COL4A4: variants seen among roughly 807,000 people sequenced by gnomAD.
COL4A4 encodes collagen type IV alpha 4 chain, also known as collagen alpha-4(IV) chain.
In COL4A4, 105 loss-of-function variants were observed where a neutral mutation model predicts 192.9. The ratio of observed to expected loss-of-function variants is 0.54; its 90% CI spans 0.46 to 0.64. The LOEUF (loss-of-function observed/expected upper bound fraction) is 0.64. Ranked by LOEUF, COL4A4 falls within the 30% of genes least tolerant of loss-of-function variation. COL4A4 has a pLI of 0.00. For synonymous variants in COL4A4, 762 were observed against 769.9 expected (o/e 0.99, Z 0.17); for missense variants, 1,967 against 2,169.3 (o/e 0.91, Z 1.85).
At chr2:227,132,750 T>C (rs967099712) in intron 4 of COL4A4, among the ~76,000 whole-genome samples, 4 of 152,026 alleles carry the variant, frequency 2.6e-5, no homozygotes, top group African/African-American at 9.7e-5. Context: ...CACTCCAGCC[T>C]GGCAACAGAG....
intron 17 of COL4A4, among the ~76,000 whole-genome samples, chr2:227,099,916 A>C (rs1456085999): frequency 6.6e-6 from 1 of 152,222 alleles, no homozygotes; most frequent in African/African-American, 2.4e-5. Context: ...GCTTCTACAA[A>C]GGAAAAGAAA....
intron 19 of COL4A4, among the ~76,000 whole-genome samples, chr2:227,094,541 G>A (rs2060107070): frequency 6.6e-6 from 1 of 152,172 alleles, no homozygotes; most frequent in Non-Finnish European, 1.5e-5. Flanking sequence ...CCCAGGGGCT[G>A]GGGGAAGAGA....
chr2:227,094,375 T>C, intron 19 of COL4A4, 86 bp from the exon 20 acceptor site: 1 of 1,401,618 alleles, frequency 7.1e-7, no homozygotes, highest in South Asian at 1.3e-5. Flanking sequence ...ACACACTTGC[T>C]TAGGTTATCG....
At chr2:226,980,948 A>G in the COL4A4 span, among the ~76,000 whole-genome samples, 9 of 152,330 alleles carry the variant, frequency 5.9e-5, no homozygotes, top group African/African-American at 2.2e-4. Flanking sequence ...CGTAGCAGAG[A>G]CCATTTTAAA....
intron 38 of COL4A4, 102 bp from the exon 39 acceptor site, chr2:227,032,378 G>C (rs998285656): frequency 2.9e-6 from 4 of 1,358,502 alleles, no homozygotes; most frequent in East Asian, 2.5e-5. Flanking sequence ...AGGAGTGGCT[G>C]GTTCTGCAGA....
rs889591823 is a variant in COL4A4, at chr2:227,006,645, C to G, written c.*680G>C. 3.9e-5 allele frequency: 6 copies of G among 152,276 alleles called. No individual in the cohort carries two copies. The highest frequency in any genetic ancestry group is 5.9e-5 in the Non-Finnish European group (4 of 68,204). 9.4% of individuals were successfully genotyped at this position (152,276 alleles called of 1,614,324 possible). A position where few individuals can be genotyped will look rare whatever the true frequency, so the allele number is the denominator to read the frequency against. ...AGAAGAGAACATAATGTTTTATATT[C>G]ATCTGTGATGTGTTTATGCTAATGT... On this transcript the variant is annotated 3_prime_UTR_variant, in exon 48 of 48. Transcript: ENST00000396625.
At position 227,057,738 on chromosome 2, in the gene COL4A4, G is replaced by A. The variant is rs2141829; in HGVS notation, c.2384-138C>T. On this transcript the variant is annotated intron_variant, in intron 28 of 47. Transcript: ENST00000396625. ...GTGTTCAAATGGGTTAAGTCTTTGA[G>A]TGGATTTTCTTATCATAGATGTAAT... is the stretch of plus-strand genomic sequence containing the variant. 0.62 allele frequency: 552,591 copies of A among 891,814 alleles called. 174,859 individuals are homozygous for A. Among genetic ancestry groups the A allele is most frequent in the African/African-American group, 0.82 (49,563 of 60,598 alleles). 55.2% of individuals were successfully genotyped at this position (891,814 alleles called of 1,614,324 possible).
rs1018943185 is a variant in COL4A4, at chr2:227,140,312, C to T, written c.115-74G>A. The T allele has an allele frequency of 3.2e-6, 4 of 1,255,716 alleles. No individual in the cohort carries two copies. In the African/African-American group the frequency reaches 5.9e-5, roughly 18 times the overall value. The allele number at this position is 1,255,716 out of a possible 1,614,324, so 77.8% of individuals were successfully genotyped here. ...TACGTGCATAACACATACATTATAACAAGCACTCTTGGTTTACCTTTGACT... is the reference window on the plus strand; with the variant it reads ...TACGTGCATAACACATACATTATAATAAGCACTCTTGGTTTACCTTTGACT... On this transcript the variant is annotated intron_variant, in intron 3 of 47. Coordinates refer to ENST00000396625, the MANE Select transcript of COL4A4 (RefSeq NM_000092.5).
chr2:227,024,901 T>G (rs1966718023), intron 43 of COL4A4, among the ~76,000 whole-genome samples: 1 of 152,178 alleles, frequency 6.6e-6, no homozygotes, highest in Admixed American at 6.5e-5. Context: ...GAGCATGTGT[T>G]TGGTGCTTCC....
intron 9 of COL4A4, among the ~76,000 whole-genome samples, chr2:227,110,680 CTTTTTT>C (rs34785989): frequency 1.1e-5 from 1 of 94,286 alleles, no homozygotes; most frequent in African/African-American, 4.3e-5. Context: ...CTCACCCAGT[CTTTTTT>C]TTTTTTTTTT....
intron 24 of COL4A4, among the ~76,000 whole-genome samples, chr2:227,079,663 GAC>G (rs919713174): frequency 7.2e-5 from 11 of 152,178 alleles, no homozygotes; most frequent in African/African-American, 2.7e-4. Flanking sequence ...AAATAAGACA[GAC>G]AAGTTTTCAC....
intron 28 of COL4A4, among the ~76,000 whole-genome samples, chr2:227,059,195 C>T (rs1010887599): frequency 6.6e-6 from 1 of 152,190 alleles, no homozygotes; most frequent in Non-Finnish European, 1.5e-5. Flanking sequence ...AGTGAGCTGC[C>T]CTGCATTTGA....
chr2:227,138,088 G>C (rs1169591080), intron 4 of COL4A4, among the ~76,000 whole-genome samples: 1 of 151,650 alleles, frequency 6.6e-6, no homozygotes, highest in Non-Finnish European at 1.5e-5. Context: ...TTGAAGCCAG[G>C]AGTTTGAGAA....
chr2:226,989,868 C>T, the COL4A4 span, among the ~76,000 whole-genome samples: 1 of 152,172 alleles, frequency 6.6e-6, no homozygotes, highest in African/African-American at 2.4e-5. Flanking sequence ...GTGCTGACCA[C>T]TGTAAATCAC....
At chr2:226,969,204 G>A in the COL4A4 span, 1 of 152,200 alleles carries the variant, frequency 6.6e-6, no homozygotes, top group Non-Finnish European at 1.5e-5. Flanking sequence ...CCGAAGGCTC[G>A]GCCGGTAACA....
intron 8 of COL4A4, among the ~76,000 whole-genome samples, chr2:227,113,534 T>C (rs1182441991): frequency 6.6e-6 from 1 of 152,208 alleles, no homozygotes; most frequent in African/African-American, 2.4e-5. Context: ...AATATTATTT[T>C]AATCTTCTTT....
At chr2:227,065,607 C>T (rs573146908) in intron 25 of COL4A4, among the ~76,000 whole-genome samples, 2 of 152,170 alleles carry the variant, frequency 1.3e-5, no homozygotes, top group Admixed American at 6.5e-5. Flanking sequence ...AGGCACCCCC[C>T]AGCAGGGGCA....
chr2:227,076,190 T>C (rs986250567), intron 25 of COL4A4, among the ~76,000 whole-genome samples: 5 of 152,188 alleles, frequency 3.3e-5, no homozygotes, highest in African/African-American at 1.2e-4. Flanking sequence ...AAGACCATCC[T>C]AAGCAAAAAG....
chr2:227,025,581 G>A (rs148606749), intron 43 of COL4A4, among the ~76,000 whole-genome samples: 120 of 152,268 alleles, frequency 7.9e-4, no homozygotes, highest in Non-Finnish European at 1.3e-3. Context: ...GCTCTACACT[G>A]CCTTGACAAC....
Sources: gnomAD v4.1 joint callset for allele counts (sites outside exome capture counted in the v4.1 genomes callset) on GRCh38, gnomAD v4.1.1 for gene constraint, MANE v1.5 for transcripts, NCBI Gene and HGNC (gene_info 2026-07-23, HGNC 2026-07-21) for gene names.